Variants in CYP4X1 observed in about 807,000 individuals in gnomAD.
CYP4X1 encodes cytochrome P450 family 4 subfamily X member 1.
CYP4X1 carries 44 observed loss-of-function variants against 57.9 expected under a neutral mutation model. The ratio of observed to expected loss-of-function variants is 0.76; its 90% CI spans 0.60 to 0.98. The LOEUF (loss-of-function observed/expected upper bound fraction) is 0.98. Among genes scored for constraint, CYP4X1 ranks in the 50% least tolerant of loss-of-function variants. The pLI is 0.00. For missense variants in CYP4X1, 532 were observed against 623.9 expected, an observed-to-expected ratio of 0.85 and a Z score of 1.57; for synonymous variants, 227 against 228.6, an observed-to-expected ratio of 0.99 and a Z score of 0.06.
At chr1:47,047,024 A>G (rs1011591060) in intron 9 of CYP4X1, among the ~76,000 whole-genome samples, 7 of 152,208 alleles carry the variant, frequency 4.6e-5, no homozygotes, top group African/African-American at 7.2e-5. Flanking sequence ...ACAACATTTA[A>G]TAGTTAATAT....
chr1:46,993,569 G>T, the CYP4X1 span, among the ~76,000 whole-genome samples: 4 of 152,126 alleles, frequency 2.6e-5, no homozygotes, highest in Non-Finnish European at 5.9e-5. Flanking sequence ...AGTGTTCCTA[G>T]TTCTCCACAT....
chr1:46,988,200 A>C, the CYP4X1 span, among the ~76,000 whole-genome samples: 1 of 151,950 alleles, frequency 6.6e-6, no homozygotes, highest in South Asian at 2.1e-4. Context: ...ATGATAAAGG[A>C]GATATCACCA....
the CYP4X1 span, among the ~76,000 whole-genome samples, chr1:46,989,577 G>T: frequency 1.6e-3 from 240 of 152,250 alleles, 3 homozygotes; most frequent in East Asian, 0.035. Context: ...AACCAAAAAA[G>T]AGCCCACATA....
intron 9 of CYP4X1, 64 bp downstream of exon 9, chr1:47,046,664 A>G: frequency 6.2e-7 from 1 of 1,608,196 alleles, no homozygotes; most frequent in Non-Finnish European, 8.5e-7. Flanking sequence ...CACAGTGACA[A>G]AGATTAGTGA....
the CYP4X1 span, among the ~76,000 whole-genome samples, chr1:47,005,742 T>A: frequency 6.6e-6 from 1 of 152,214 alleles, no homozygotes; most frequent in Non-Finnish European, 1.5e-5. Context: ...AAACCAGAAA[T>A]GCCTTCAGAA....
the CYP4X1 span, among the ~76,000 whole-genome samples, chr1:46,977,826 T>C: frequency 6.6e-6 from 1 of 151,964 alleles, no homozygotes; most frequent in East Asian, 1.9e-4. Flanking sequence ...ATATTCAACA[T>C]TCTTAAAAAA....
intron 8 of CYP4X1, among the ~76,000 whole-genome samples, chr1:47,040,393 A>G (rs552053894): frequency 2.0e-5 from 3 of 152,302 alleles, no homozygotes; most frequent in African/African-American, 7.2e-5. Context: ...TTCCTGACAT[A>G]ATCTGGTCAA....
chr1:47,034,195 G>A (rs1321651813), intron 4 of CYP4X1, among the ~76,000 whole-genome samples: 1 of 152,178 alleles, frequency 6.6e-6, no homozygotes, highest in Non-Finnish European at 1.5e-5. Flanking sequence ...CATGAACAAA[G>A]GTTTGGAGAT....
the CYP4X1 span, among the ~76,000 whole-genome samples, chr1:46,978,537 C>T: frequency 6.6e-6 from 1 of 152,102 alleles, no homozygotes; most frequent in Non-Finnish European, 1.5e-5. Context: ...GAGACTTTAA[C>T]ACCCCACTGT....
the CYP4X1 span, among the ~76,000 whole-genome samples, chr1:46,983,760 A>C: frequency 1.3e-5 from 2 of 152,066 alleles, no homozygotes; most frequent in African/African-American, 4.8e-5. Flanking sequence ...CAGTGGCAAA[A>C]ATGGTGGGCA....
At chr1:47,014,567 T>C in the CYP4X1 span, among the ~76,000 whole-genome samples, 1 of 152,226 alleles carries the variant, frequency 6.6e-6, no homozygotes, top group Non-Finnish European at 1.5e-5. Context: ...GTTTCTATCA[T>C]TTCAACATCT....
chr1:47,052,488 T>C (rs1365343757), downstream of CYP4X1, among the ~76,000 whole-genome samples: 1 of 152,044 alleles, frequency 6.6e-6, no homozygotes, highest in Non-Finnish European at 1.5e-5. Context: ...CTTTCATAGG[T>C]AGGAAGTAGG....
chr1:47,023,665 T>C, upstream of CYP4X1: 1 of 1,418,668 alleles, frequency 7.0e-7, no homozygotes, highest in South Asian at 1.5e-5. Context: ...GAGCTGCCCC[T>C]CCCACTGCCT....
chr1:47,039,416 C>T lies in CYP4X1; in HGVS notation c.957C>T (p.Asp319=), dbSNP rs202162725. 1.2e-6 allele frequency: 2 copies of T among 1,613,574 alleles called. No homozygotes were observed. Among genetic ancestry groups the T allele is most frequent in the Admixed American group, 1.7e-5 (1 of 59,934 alleles). The change falls in exon 8 of 12, where the codon GAC becomes GAT. Residue 319 remains aspartate (D), a synonymous_variant. Transcript: ENST00000371901. ...GCACATTCCTGTTGGCAGGACATGACACCTTGGCAGCAAGCATCTCCTGGA... is the reference window on the plus strand; with the variant it reads ...GCACATTCCTGTTGGCAGGACATGATACCTTGGCAGCAAGCATCTCCTGGA... ...EVSTFLLAGH[D]TLAASISWIL...
chr1:47,032,324 G>T (rs1232164159), intron 3 of CYP4X1, among the ~76,000 whole-genome samples: 1 of 152,078 alleles, frequency 6.6e-6, no homozygotes, highest in Non-Finnish European at 1.5e-5. Flanking sequence ...TTTGAATCTT[G>T]CCCCCTCCTG....
chr1:46,967,710 C>G, the CYP4X1 span: 1 of 986,258 alleles, frequency 1.0e-6, no homozygotes, highest in African/African-American at 1.8e-5. Context: ...GGTTAGGGAC[C>G]CTCCTGAGAT....
the CYP4X1 span, among the ~76,000 whole-genome samples, chr1:47,000,604 C>T: frequency 6.6e-5 from 10 of 152,022 alleles, no homozygotes; most frequent in East Asian, 1.9e-4. Context: ...GAAACCTCTA[C>T]GGATACAGAC....
At chr1:47,031,199 G>A (rs1047724575) in intron 2 of CYP4X1, among the ~76,000 whole-genome samples, 3 of 152,226 alleles carry the variant, frequency 2.0e-5, no homozygotes, top group Non-Finnish European at 4.4e-5. Context: ...GTAAACAAGG[G>A]AATAATCAGG....
intron 8 of CYP4X1, 114 bp from the exon 9 acceptor site, chr1:47,046,348 ATAAAC>A: frequency 1.4e-6 from 2 of 1,396,374 alleles, no homozygotes; most frequent in Non-Finnish European, 2.0e-6. Context: ...ATTCTGTTAC[ATAAAC>A]CAGTGGCAAA....
Sources: gnomAD v4.1 joint callset for allele counts (sites outside exome capture counted in the v4.1 genomes callset) on GRCh38, gnomAD v4.1.1 for gene constraint, MANE v1.5 for transcripts, NCBI Gene and HGNC (gene_info 2026-07-23, HGNC 2026-07-21) for gene names.